The following LYPD3 variants were observed in gnomAD, a reference collection of about 807,000 sequenced individuals.
LYPD3 encodes the protein LY6/PLAUR domain containing 3, also known as ly6/PLAUR domain-containing protein 3.
In LYPD3, 22 loss-of-function variants were observed where a neutral mutation model predicts 21.7. The observed-to-expected ratio is 1.01, with a 90% CI of 0.72 to 1.45. The LOEUF (loss-of-function observed/expected upper bound fraction) is 1.45, where lower values mean the gene tolerates loss of function less well. LYPD3 is among the 40% of genes most tolerant of loss of function. LYPD3 has a pLI of 0.00. For missense variants in LYPD3, 471 were observed against 466.9 expected (o/e 1.01, Z -0.08); for synonymous variants, 179 against 203.0 (o/e 0.88, Z 1.00).
At position 43,464,513 on chromosome 19, in the gene LYPD3, A is replaced by C. The variant is rs1217380620; in HGVS notation, c.80-57T>G. 3 of 1,608,698 alleles carry C rather than the reference A, an allele frequency of 1.9e-6. No homozygotes were observed. In the African/African-American group the frequency reaches 4.0e-5, roughly 21 times the overall value. ...CTCCTTGCTAAAGCGTCCACCCCCA[A>C]GGAGAAATAGTCCTTCCCATGCCCT... On this transcript the variant is annotated intron_variant, in intron 1 of 4. Coordinates refer to ENST00000244333, the MANE Select transcript of LYPD3 (RefSeq NM_014400.3).
chr19:43,463,936 GA>G (rs1970799294), intron 2 of LYPD3, 167 bp from the exon 3 acceptor site: 1 of 737,968 alleles, frequency 1.4e-6, no homozygotes, highest in African/African-American at 1.8e-5. Context: ...GCTCAGAGCG[GA>G]AAGAACGACC....
At position 43,461,820 on chromosome 19, in the gene LYPD3, C is replaced by G. The variant is rs766141899; in HGVS notation, c.572G>C (p.Arg191Pro). ...GCAGAATTCATCCTGGACACAGCCC[C>G]GGACAGGCAAGGACACAGTCACATT... ...AANVTVSLPV[R>P]GCVQDEFCTR... The change falls in exon 5 of 5, where the codon CGG becomes CCG. Residue 191 changes from arginine to proline, a missense_variant. Coordinates refer to ENST00000244333, the MANE Select transcript of LYPD3 (RefSeq NM_014400.3). 6.2e-7 allele frequency: 1 copy of G among 1,612,572 alleles called. No homozygotes were observed. Among genetic ancestry groups the G allele is most frequent in the Admixed American group, 1.7e-5 (1 of 59,978 alleles).
Position 43,461,163 on chromosome 19 carries a change from G to T in LYPD3, c.*188C>A. 1.5e-6 allele frequency: 1 copy of T among 666,906 alleles called. No homozygotes were observed. Among genetic ancestry groups the T allele is most frequent in the Non-Finnish European group, 2.5e-6 (1 of 400,840 alleles). 41.3% of individuals were successfully genotyped at this position (666,906 alleles called of 1,614,324 possible). A position where few individuals can be genotyped will look rare whatever the true frequency, so the allele number is the denominator to read the frequency against. Reference sequence around the variant, plus strand: ...TCAAAAAGCTAGAACACCCCTGGCAGAATATATACAACGGTATTTTATTTC... The same window carrying T: ...TCAAAAAGCTAGAACACCCCTGGCATAATATATACAACGGTATTTTATTTC... On this transcript the variant is annotated 3_prime_UTR_variant, in exon 5 of 5. Transcript: ENST00000244333.
chr19:43,464,601 T>C (rs1970806344), intron 1 of LYPD3, 145 bp from the exon 2 acceptor site: 2 of 1,093,740 alleles, frequency 1.8e-6, no homozygotes, highest in Admixed American at 2.4e-5. Flanking sequence ...GGGAAAAGCT[T>C]TCCACAAATC....
chr19:43,463,017 T>C, intron 4 of LYPD3, 109 bp downstream of exon 4: 2 of 1,189,554 alleles, frequency 1.7e-6, no homozygotes, highest in Non-Finnish European at 2.4e-6. Flanking sequence ...ATTCCCAGAA[T>C]GCGTCGCAGG....
chr19:43,463,734 C>A lies in LYPD3; in HGVS notation c.247G>T (p.Gly83Cys), dbSNP rs1444115513. The part of the protein sequence containing the change: ...GQFSLAVRGC[G>C]SGLPGKNDRG... ...TCATTCTTGCCGGGGAGTCCCGAAC[C>A]GCAACCCCGCACTGCCAGCGAGAAT... is the stretch of plus-strand genomic sequence containing the variant. The change falls in exon 3 of 5, where the codon GGT (glycine) becomes TGT (cysteine). Residue 83 changes from glycine (G) to cysteine (C), a missense_variant. Transcript: ENST00000244333. 6.2e-7 allele frequency: 1 copy of A among 1,613,356 alleles called. No individual in the cohort carries two copies. The highest frequency in any genetic ancestry group is 8.5e-7 in the Non-Finnish European group (1 of 1,180,030).
chr19:43,463,701 G>A lies in LYPD3; in HGVS notation c.280C>T (p.Leu94=). Residue 94 remains leucine, a synonymous_variant, in exon 3 of 5, where the codon CTG becomes TTG. Coordinates refer to ENST00000244333, the MANE Select transcript of LYPD3 (RefSeq NM_014400.3). ...SGLPGKNDRG[L]DLHGLLAFIQ... is the part of the protein sequence containing the mutation. ...AACGCCAGAAGCCCGTGAAGATCCAGGCCGCGGTCATTCTTGCCGGGGAGT... is the reference window on the plus strand; with the variant it reads ...AACGCCAGAAGCCCGTGAAGATCCAAGCCGCGGTCATTCTTGCCGGGGAGT... 2 of 1,612,886 alleles carry A rather than the reference G, an allele frequency of 1.2e-6. No homozygotes were observed. The highest frequency in any genetic ancestry group is 1.7e-6 in the Non-Finnish European group (2 of 1,180,028).
chr19:43,464,754 C>CA (rs751180723), intron 1 of LYPD3, among the ~76,000 whole-genome samples: 25 of 152,112 alleles, frequency 1.6e-4, no homozygotes, highest in Non-Finnish European at 2.4e-4. Flanking sequence ...GATACCTCCT[C>CA]ACGGTTTTCT....
Position 43,461,687 on chromosome 19 carries a change from G to A in LYPD3, c.705C>T (p.Ile235=). 1 of 1,614,152 alleles carries A rather than the reference G, an allele frequency of 6.2e-7. No homozygotes were observed. Among genetic ancestry groups the A allele is most frequent in the Non-Finnish European group, 8.5e-7 (1 of 1,180,018 alleles). ...GAGGGGGCAGCCGGACAAGGGGTGG[G>A]ATTCGAGGGGAGAAGTAGGTCTTGT... ...LRNKTYFSPR[I]PPLVRLPPPE... is the part of the protein sequence containing the mutation. The change falls in exon 5 of 5, where the codon ATC becomes ATT. Residue 235 remains isoleucine (I), a synonymous_variant. Coordinates refer to ENST00000244333, the MANE Select transcript of LYPD3 (RefSeq NM_014400.3).
At chr19:43,462,711 C>T (rs1449727433) in intron 4 of LYPD3, among the ~76,000 whole-genome samples, 2 of 152,172 alleles carry the variant, frequency 1.3e-5, no homozygotes, top group African/African-American at 2.4e-5. Context: ...CATAGCATAA[C>T]TGGCAGGGGA....
intron 2 of LYPD3, 87 bp downstream of exon 2, chr19:43,464,219 GGGCCGCGTTAAAGGGGCGT>G (rs1568467948): frequency 3.5e-6 from 5 of 1,417,724 alleles, no homozygotes; most frequent in Non-Finnish European, 4.7e-6. Flanking sequence ...GGGAGGGGTG[GGGCCGCGTTAAAGGGGCGT>G]GGCCAGATCC....
rs116681374 is a variant in LYPD3 at position 43,462,697 on chromosome 19, C to T, written c.544+429G>A. Reference sequence around the variant, plus strand: ...ATAATAAAATAAAAAAGAACTACATCTTCCATAGCATAACTGGCAGGGGAT... The same window carrying T: ...ATAATAAAATAAAAAAGAACTACATTTTCCATAGCATAACTGGCAGGGGAT... On this transcript the variant is annotated intron_variant, in intron 4 of 4. Coordinates refer to ENST00000244333, the MANE Select transcript of LYPD3 (RefSeq NM_014400.3). 6.5e-3 allele frequency among the ~76,000 whole-genome samples: 984 copies of T among 152,244 alleles called. 8 individuals carry two copies. Among genetic ancestry groups the T allele is most frequent in the African/African-American group, 0.023 (950 of 41,542 alleles).
rs1053080763 is a variant in LYPD3 at position 43,461,696 on chromosome 19, G to C, written c.696C>G (p.Ser232=). The C allele has an allele frequency of 1.9e-6, 3 of 1,614,038 alleles. No individual in the cohort carries two copies. The African/African-American group carries it at 4.0e-5, about 22-fold the overall frequency. Residue 232 remains serine, a synonymous_variant, in exon 5 of 5, where the codon TCC becomes TCG. Coordinates refer to ENST00000244333, the MANE Select transcript of LYPD3 (RefSeq NM_014400.3). The stretch of plus-strand genomic sequence containing the variant: ...GCCGGACAAGGGGTGGGATTCGAGG[G>C]GAGAAGTAGGTCTTGTTGCGGAGGT... ...NSDLRNKTYF[S]PRIPPLVRLP...
At chr19:43,463,338 G>A (rs777948014) in intron 3 of LYPD3, 51 bp from the exon 4 acceptor site, 12 of 1,582,310 alleles carry the variant, frequency 7.6e-6, no homozygotes, top group African/African-American at 4.0e-5. Context: ...TTCGGGAACC[G>A]CAGCTCGTCC....
intron 2 of LYPD3, 148 bp downstream of exon 2, chr19:43,464,177 G>A: frequency 9.4e-7 from 1 of 1,059,920 alleles, no homozygotes; most frequent in Non-Finnish European, 1.3e-6. Context: ...TGGCCTGCAA[G>A]GCTGTGTCGT....
chr19:43,462,468 C>T (rs908006367), intron 4 of LYPD3, among the ~76,000 whole-genome samples: 2 of 152,126 alleles, frequency 1.3e-5, no homozygotes, highest in African/African-American at 4.8e-5. Context: ...CAATACCAGC[C>T]TGGGTAACAT....
chr19:43,463,968 C>T (rs1482449945), intron 2 of LYPD3, 199 bp from the exon 3 acceptor site: 2 of 651,110 alleles, frequency 3.1e-6, no homozygotes, highest in Admixed American at 5.7e-5. Context: ...GGAGCGGGGT[C>T]ACGGAACGGG....
At position 43,463,824 on chromosome 19, in the gene LYPD3, T is replaced by C. The variant is rs543113290; in HGVS notation, c.212-55A>G. 1.7e-5 allele frequency: 27 copies of C among 1,564,134 alleles called. No homozygotes were observed. The South Asian group carries it at 2.8e-4, about 16-fold the overall frequency. On this transcript the variant is annotated intron_variant, in intron 2 of 4. Coordinates refer to ENST00000244333, the MANE Select transcript of LYPD3 (RefSeq NM_014400.3). ...TGTGGGCGTGGTCTCAGATGGGGCG[T>C]GGCCCAGAGTTGGGTAGGGTCTGGG...
Position 43,463,760 on chromosome 19 carries a change from T to A in LYPD3, c.221A>T (p.Gln74Leu), listed in dbSNP as rs1326004381. ...AVGAVETIHG[Q>L]FSLAVRGCGS... ...GCAACCCCGCACTGCCAGCGAGAAT[T>A]GTCCGTGGACTAGGGAGAGGGACAA... Residue 74 changes from glutamine to leucine, a missense_variant, in exon 3 of 5, where the codon CAA (glutamine) becomes CTA (leucine). Gln to Leu is a moderately radical substitution (Grantham distance 113). Transcript: ENST00000244333. 1 of 1,613,124 alleles carries A rather than the reference T, an allele frequency of 6.2e-7. No homozygotes were observed. The highest frequency in any genetic ancestry group is 2.2e-5 in the East Asian group (1 of 44,888).
Sources: allele counts gnomAD v4.1 joint callset (sites outside exome capture counted in the v4.1 genomes callset), GRCh38; gene constraint gnomAD v4.1.1; transcripts MANE v1.5; gene names NCBI Gene and HGNC (gene_info 2026-07-23, HGNC 2026-07-21).